Variants in DDAH1 observed in about 807,000 individuals in gnomAD.
DDAH1 encodes the protein N(G),N(G)-dimethylarginine dimethylaminohydrolase 1.
In DDAH1, 19 loss-of-function variants were observed where a neutral mutation model predicts 28.8. That is an observed-to-expected ratio of 0.66 (90% CI 0.46 to 0.97). The LOEUF (loss-of-function observed/expected upper bound fraction) is 0.97, where lower values mean the gene tolerates loss of function less well. DDAH1 is among the 50% of genes least tolerant of loss of function. DDAH1 has a pLI of 0.00. For synonymous variants in DDAH1, 153 were observed against 154.4 expected (o/e 0.99, Z 0.07); for missense variants, 326 against 375.9 (o/e 0.87, Z 1.10).
chr1:85,388,412 T>C (rs535091780), intron 1 of DDAH1, among the ~76,000 whole-genome samples: 79 of 152,164 alleles, frequency 5.2e-4, no homozygotes, highest in Non-Finnish European at 2.8e-4. Context: ...GTAATTGTCA[T>C]TAAACTATGA....
chr1:85,560,752 T>C (rs1570675897), intron 1 of DDAH1, among the ~76,000 whole-genome samples: 1 of 152,208 alleles, frequency 6.6e-6, no homozygotes, highest in Non-Finnish European at 1.5e-5. Flanking sequence ...GTATCAATTC[T>C]GACTGAACTG....
chr1:85,519,937 A>G (rs1476341776), intron 1 of DDAH1, among the ~76,000 whole-genome samples: 23 of 151,962 alleles, frequency 1.5e-4, no homozygotes, highest in African/African-American at 5.6e-4. Context: ...AAAGGATATC[A>G]ACTATATTTG....
intron 1 of DDAH1, among the ~76,000 whole-genome samples, chr1:85,413,744 C>T (rs1037833560): frequency 2.0e-5 from 3 of 152,182 alleles, no homozygotes; most frequent in African/African-American, 7.2e-5. Context: ...CTTCATTTAA[C>T]CTTTCTAAGA....
intron 1 of DDAH1, among the ~76,000 whole-genome samples, chr1:85,556,835 G>A (rs949763054): frequency 3.9e-5 from 6 of 152,196 alleles, no homozygotes; most frequent in African/African-American, 1.4e-4. Context: ...GAATAAAAGT[G>A]GCTGGGCATA....
chr1:85,403,600 G>A (rs563881673), intron 1 of DDAH1, among the ~76,000 whole-genome samples: 51 of 152,198 alleles, frequency 3.4e-4, no homozygotes, highest in African/African-American at 1.0e-3. Context: ...TCAATATAAC[G>A]CTGAACATTT....
rs968958942 is a variant in DDAH1, at chr1:85,319,058, G to A, written c.*2394C>T. The A allele has an allele frequency of 6.6e-6, 1 of 152,168 alleles. No individual in the cohort carries two copies. The highest frequency in any genetic ancestry group is 2.4e-5 in the African/African-American group (1 of 41,438). The allele number at this position is 152,168 out of a possible 1,614,324, so 9.4% of individuals were successfully genotyped here. ...AGTTTCCGTTAGTTTATCCATTGGTGTATATCACAACAGATGAGGAAAACT... is the reference window on the plus strand; with the variant it reads ...AGTTTCCGTTAGTTTATCCATTGGTATATATCACAACAGATGAGGAAAACT... On this transcript the variant is annotated 3_prime_UTR_variant, in exon 6 of 6. Coordinates refer to ENST00000284031, the MANE Select transcript of DDAH1 (RefSeq NM_012137.4).
At chr1:85,445,292 G>C (rs908446689) in intron 1 of DDAH1, among the ~76,000 whole-genome samples, 4 of 152,116 alleles carry the variant, frequency 2.6e-5, no homozygotes, top group African/African-American at 7.2e-5. Flanking sequence ...TAGGAGTGTG[G>C]GGTGCTTCAA....
chr1:85,485,031 A>G (rs1398444576), intron 2 of DDAH1, among the ~76,000 whole-genome samples: 1 of 152,242 alleles, frequency 6.6e-6, no homozygotes, highest in Admixed American at 6.5e-5. Flanking sequence ...CCTGAGCTTC[A>G]GTAACTTTAT....
intron 1 of DDAH1, among the ~76,000 whole-genome samples, chr1:85,450,811 T>C (rs80025468): frequency 7.2e-5 from 11 of 152,312 alleles, no homozygotes; most frequent in Non-Finnish European, 1.6e-4. Context: ...ATGGAAAATA[T>C]ATCGAATGTG....
chr1:85,363,219 A>C (rs1167064523), intron 1 of DDAH1, among the ~76,000 whole-genome samples: 1 of 152,178 alleles, frequency 6.6e-6, no homozygotes, highest in Non-Finnish European at 1.5e-5. Context: ...GTTCTGAGCT[A>C]TGGCTCCTTA....
chr1:85,469,702 G>A (rs1029261832), upstream of DDAH1, among the ~76,000 whole-genome samples: 4 of 152,096 alleles, frequency 2.6e-5, no homozygotes, highest in Admixed American at 2.0e-4. Flanking sequence ...TTCCTAGGTT[G>A]ACAGACCAAA....
chr1:85,471,848 C>T (rs919406982), intron 2 of DDAH1, among the ~76,000 whole-genome samples: 6 of 152,228 alleles, frequency 3.9e-5, no homozygotes, highest in African/African-American at 1.4e-4. Context: ...GCAAGCAACA[C>T]ATCCCTTTTC....
chr1:85,472,731 T>C (rs184229305), intron 2 of DDAH1, among the ~76,000 whole-genome samples: 2 of 152,306 alleles, frequency 1.3e-5, no homozygotes, highest in Non-Finnish European at 2.9e-5. Flanking sequence ...TCCAAACTTT[T>C]TTTTAGATTC....
intron 1 of DDAH1, among the ~76,000 whole-genome samples, chr1:85,436,896 T>C (rs1653967639): frequency 6.6e-6 from 1 of 152,212 alleles, no homozygotes; most frequent in Admixed American, 6.5e-5. Flanking sequence ...GAGACACTAC[T>C]CAAGCAAGGT....
In DDAH1 at chr1:85,446,311, G is replaced by A. The variant is rs56390427; in HGVS notation, c.303+18432C>T. ...GGCAGGAAAAGTGCCGAGTAAAGGG[G>A]GAAGAGCCCCTTATAAACCATCAGA... On this transcript the variant is annotated intron_variant, in intron 1 of 5. Transcript: ENST00000284031. 6.0e-3 allele frequency among the ~76,000 whole-genome samples: 911 copies of A among 152,212 alleles called. 9 individuals are homozygous for A. Among genetic ancestry groups the A allele is most frequent in the African/African-American group, 0.021 (878 of 41,546 alleles).
intron 1 of DDAH1, among the ~76,000 whole-genome samples, chr1:85,363,652 C>G (rs918670514): frequency 1.3e-5 from 2 of 152,176 alleles, no homozygotes; most frequent in Non-Finnish European, 2.9e-5. Flanking sequence ...CTTGGCACAT[C>G]AAGGCACAGA....
intron 1 of DDAH1, among the ~76,000 whole-genome samples, chr1:85,364,807 G>A (rs963185503): frequency 2.0e-5 from 3 of 152,146 alleles, no homozygotes; most frequent in Admixed American, 6.5e-5. Flanking sequence ...GCCTCCCAAA[G>A]TGCTGGGATT....
In DDAH1 at chr1:85,425,340, G is replaced by A. The variant is rs915978713; in HGVS notation, c.303+39403C>T. 3.3e-5 allele frequency among the ~76,000 whole-genome samples: 5 copies of A among 151,510 alleles called. No homozygotes were observed. In the East Asian group the frequency reaches 5.8e-4, roughly 18 times the overall value. Reference sequence around the variant, plus strand: ...TTCAAATATTTTTTTTTATTGATCCGAATTTGTATTCCTTTCCCCACAACT... The same window carrying A: ...TTCAAATATTTTTTTTTATTGATCCAAATTTGTATTCCTTTCCCCACAACT... On this transcript the variant is annotated intron_variant, in intron 1 of 5. Transcript: ENST00000284031.
chr1:85,343,998 A>AATG (rs1439439425), intron 4 of DDAH1, among the ~76,000 whole-genome samples: 3 of 152,232 alleles, frequency 2.0e-5, no homozygotes, highest in African/African-American at 7.2e-5. Context: ...TCATTCAAGG[A>AATG]ATGTTAGAAA....
Sources: allele counts gnomAD v4.1 joint callset (sites outside exome capture counted in the v4.1 genomes callset), GRCh38; gene constraint gnomAD v4.1.1; transcripts MANE v1.5; gene names NCBI Gene and HGNC (gene_info 2026-07-23, HGNC 2026-07-21).